The following LRRC37A2 variants were observed in gnomAD, a reference collection of about 807,000 sequenced individuals.
LRRC37A2 encodes the protein leucine rich repeat containing 37 member A2.
LRRC37A2 carries 9 observed loss-of-function variants against 68.8 expected under a neutral mutation model. The observed-to-expected ratio is 0.13, with a 90% CI of 0.08 to 0.23. LRRC37A2 has a LOEUF of 0.23. LRRC37A2 is among the 10% of genes least tolerant of loss of function. The pLI is 1.00. For missense variants in LRRC37A2, 168 were observed against 950.4 expected (o/e 0.18, Z 10.82); for synonymous variants, 63 against 367.6 (o/e 0.17, Z 9.48).
At chr17:46,558,926 C>T (rs1194227678), downstream of LRRC37A2, 1 of 107,136 alleles carries the variant, frequency 9.3e-6, no homozygotes, top group Non-Finnish European at 1.8e-5. Context: ...GATCCTCCCG[C>T]CTTGGTCTCT....
At chr17:46,784,675 C>T in the LRRC37A2 span, among the ~76,000 whole-genome samples, 1 of 152,150 alleles carries the variant, frequency 6.6e-6, no homozygotes, top group South Asian at 2.1e-4. Flanking sequence ...CTTGTGTTTT[C>T]CATATTCCGG....
the LRRC37A2 span, among the ~76,000 whole-genome samples, chr17:46,966,214 C>T: frequency 6.6e-6 from 1 of 152,116 alleles, no homozygotes; most frequent in Non-Finnish European, 1.5e-5. Flanking sequence ...AATAATGAGA[C>T]AGAAAAATCA....
At chr17:46,927,110 T>C in the LRRC37A2 span, among the ~76,000 whole-genome samples, 4 of 152,240 alleles carry the variant, frequency 2.6e-5, no homozygotes, top group African/African-American at 9.6e-5. Flanking sequence ...GCTGAAGAAA[T>C]GTGATCTCAT....
the LRRC37A2 span, among the ~76,000 whole-genome samples, chr17:46,424,666 A>C: frequency 0.021 from 2,341 of 113,980 alleles, 506 homozygotes; most frequent in African/African-American, 0.063. Flanking sequence ...GTACAATTTG[A>C]TATTTTAATA....
At chr17:46,771,182 A>G in the LRRC37A2 span, among the ~76,000 whole-genome samples, 1 of 152,164 alleles carries the variant, frequency 6.6e-6, no homozygotes, top group Non-Finnish European at 1.5e-5. Context: ...TCCCACTTCC[A>G]ACGACGGGAG....
chr17:46,993,429 G>A, the LRRC37A2 span, among the ~76,000 whole-genome samples: 1 of 152,242 alleles, frequency 6.6e-6, no homozygotes, highest in Non-Finnish European at 1.5e-5. Context: ...CATAGTGTCT[G>A]GCACATAGGA....
At chr17:46,807,746 GA>G in the LRRC37A2 span, among the ~76,000 whole-genome samples, 1 of 152,188 alleles carries the variant, frequency 6.6e-6, no homozygotes, top group African/African-American at 2.4e-5. Context: ...GCTGATGACG[GA>G]AAACACATCA....
the LRRC37A2 span, chr17:46,763,156 T>C: frequency 6.6e-6 from 1 of 152,200 alleles, no homozygotes; most frequent in Non-Finnish European, 1.5e-5. Flanking sequence ...CAGGGTTAGG[T>C]AGACCCCAGA....
chr17:46,721,442 C>T, the LRRC37A2 span: 1 of 613,178 alleles, frequency 1.6e-6, no homozygotes, highest in Non-Finnish European at 2.9e-6. Flanking sequence ...TTTCAGACTT[C>T]CCTCCTAACT....
At chr17:46,982,862 G>A in the LRRC37A2 span, among the ~76,000 whole-genome samples, 2 of 152,334 alleles carry the variant, frequency 1.3e-5, no homozygotes, top group Admixed American at 1.3e-4. Context: ...TTTTCATGGA[G>A]ACTCAAAGGC....
chr17:46,801,571 GA>G, the LRRC37A2 span, among the ~76,000 whole-genome samples: 15 of 124,156 alleles, frequency 1.2e-4, no homozygotes, highest in Admixed American at 1.2e-3. Flanking sequence ...AGTGAGCTGT[GA>G]TTGCGCCATT....
chr17:46,795,946 G>A, the LRRC37A2 span, among the ~76,000 whole-genome samples: 196 of 152,168 alleles, frequency 1.3e-3, 1 homozygote, highest in African/African-American at 4.6e-3. Flanking sequence ...AACCCTTGCA[G>A]TACCATGGAT....
the LRRC37A2 span, among the ~76,000 whole-genome samples, chr17:46,711,527 C>T: frequency 2.6e-5 from 4 of 152,158 alleles, no homozygotes; most frequent in South Asian, 2.1e-4. Flanking sequence ...TTCCTGACTA[C>T]GGTGTATGTG....
the LRRC37A2 span, among the ~76,000 whole-genome samples, chr17:47,027,950 A>G: frequency 2.0e-5 from 3 of 152,226 alleles, no homozygotes; most frequent in African/African-American, 7.2e-5. Flanking sequence ...GCTGCTAAAC[A>G]TCCTTCAAGG....
chr17:46,715,429 G>A, the LRRC37A2 span, among the ~76,000 whole-genome samples: 1 of 152,162 alleles, frequency 6.6e-6, no homozygotes, highest in African/African-American at 2.4e-5. Context: ...TGTAGCTGTT[G>A]AATGTCCCAT....
the LRRC37A2 span, among the ~76,000 whole-genome samples, chr17:46,901,197 T>C: frequency 6.6e-6 from 1 of 152,326 alleles, no homozygotes; most frequent in African/African-American, 2.4e-5. Context: ...AGTCTCACTC[T>C]GTCGCCCAGG....
the LRRC37A2 span, among the ~76,000 whole-genome samples, chr17:46,878,588 C>G: frequency 6.6e-6 from 1 of 152,214 alleles, no homozygotes; most frequent in Non-Finnish European, 1.5e-5. Context: ...CTTTCTTCCA[C>G]TTCCCCACAG....
the LRRC37A2 span, among the ~76,000 whole-genome samples, chr17:46,748,417 C>G: frequency 6.6e-6 from 1 of 152,164 alleles, no homozygotes; most frequent in African/African-American, 2.4e-5. Context: ...TGGCCTCTAA[C>G]CTTATTTTTT....
the LRRC37A2 span, chr17:46,923,412 G>A: frequency 1.4e-6 from 2 of 1,442,708 alleles, no homozygotes; most frequent in Non-Finnish European, 1.8e-6. Context: ...GTGGGTTCAG[G>A]CTGGGGCCTG....
Sources: gnomAD v4.1 joint callset for allele counts (sites outside exome capture counted in the v4.1 genomes callset) on GRCh38, gnomAD v4.1.1 for gene constraint, MANE v1.5 for transcripts, NCBI Gene and HGNC (gene_info 2026-07-23, HGNC 2026-07-21) for gene names.